COL3A1: variants seen among roughly 807,000 people sequenced by gnomAD.
COL3A1 encodes collagen type III alpha 1 chain, also known as collagen alpha-1(III) chain.
In COL3A1, 46 loss-of-function variants were observed where a neutral mutation model predicts 200.9. The ratio of observed to expected loss-of-function variants is 0.23; its 90% confidence interval spans 0.18 to 0.29. The LOEUF is 0.29. Ranked by LOEUF, COL3A1 falls within the 10% of genes least tolerant of loss-of-function variation. The pLI is 1.00. For missense variants in COL3A1, 1,367 were observed against 1,917.6 expected (o/e 0.71, Z 5.36); for synonymous variants, 650 against 628.0 (o/e 1.03, Z -0.52).
At chr2:189,003,288 G>A in intron 36 of COL3A1, 123 bp from the exon 37 acceptor site, 3 of 849,264 alleles carry the variant, frequency 3.5e-6, no homozygotes, top group Non-Finnish European at 5.9e-6. Context: ...ATGAATCTCA[G>A]CACCAGCAAT....
In COL3A1 at chr2:188,985,219, A is replaced by C. The variant is rs748033086; in HGVS notation, c.305A>C (p.Gln102Pro). The C allele has an allele frequency of 6.2e-7, 1 of 1,612,372 alleles. No homozygotes were observed. Among genetic ancestry groups the C allele is most frequent in the Non-Finnish European group, 8.5e-7 (1 of 1,178,678 alleles). ...TAGCCTACTCGCCCTCCTAATGGTC[A>C]AGGACCTCAAGGCCCCAAGGGAGAT... ...PTAPTRPPNG[Q>P]GPQGPKGDPG... Residue 102 changes from glutamine (Q) to proline (P), a missense_variant, in exon 3 of 51, where the codon CAA becomes CCA. By Grantham distance (76) the Gln-to-Pro change is moderately conservative (BLOSUM62 -1). This residue lies in a region of COL3A1 where 462 missense variants were observed against 681.4 expected (regional missense o/e 0.68). Coordinates refer to ENST00000304636, the MANE Select transcript of COL3A1 (RefSeq NM_000090.4).
intron 1 of COL3A1, among the ~76,000 whole-genome samples, chr2:188,980,235 A>G (rs1303883836): frequency 6.6e-6 from 1 of 151,436 alleles, no homozygotes; most frequent in East Asian, 1.9e-4. Flanking sequence ...AGATTTTATT[A>G]TATATGCAAT....
Position 189,008,188 on chromosome 2 carries a change from T to C in COL3A1, c.3525+46T>C, listed in dbSNP as rs2153503992. 2.0e-6 allele frequency: 3 copies of C among 1,516,350 alleles called. No individual in the cohort carries two copies. In the East Asian group the frequency reaches 7.0e-5, roughly 36 times the overall value. 93.9% of individuals were successfully genotyped at this position (1,516,350 alleles called of 1,614,324 possible). A position where few individuals can be genotyped will look rare whatever the true frequency, so the allele number is the denominator to read the frequency against. On this transcript the variant is annotated intron_variant, in intron 47 of 50. Transcript: ENST00000304636. ...ATGTGTATTTAATTTGCTACAATCT[T>C]CCAATTTTCAGAAACACAGCGCATT...
intron 6 of COL3A1, 109 bp downstream of exon 6, chr2:188,988,243 G>A: frequency 1.0e-6 from 1 of 976,708 alleles, no homozygotes; most frequent in East Asian, 2.5e-5. Context: ...CAGTTAACTA[G>A]AGAAATCATA....
chr2:189,005,484 C>T (rs767440778), intron 41 of COL3A1, 27 bp downstream of exon 41: 31 of 1,561,006 alleles, frequency 2.0e-5, no homozygotes, highest in Non-Finnish European at 2.7e-5. Flanking sequence ...ATTCAACCAG[C>T]CAGGTAGAAT....
chr2:189,004,685 A>T (rs1559060995), intron 40 of COL3A1, among the ~76,000 whole-genome samples: 1 of 152,160 alleles, frequency 6.6e-6, no homozygotes, highest in Non-Finnish European at 1.5e-5. Context: ...AGGGGGAAAT[A>T]GTGTTAGCTT....
Position 188,989,329 on chromosome 2 carries a change from C to G in COL3A1, c.637-67C>G, listed in dbSNP as rs1055992771. ...GAGGTTCCTTCCAGGAATACATACACTGTGTAATAATAAATTGTAACAGAA... is the reference window on the plus strand; with the variant it reads ...GAGGTTCCTTCCAGGAATACATACAGTGTGTAATAATAAATTGTAACAGAA... On this transcript the variant is annotated intron_variant, in intron 7 of 50. Transcript: ENST00000304636. The G allele has an allele frequency of 4.3e-6, 5 of 1,168,800 alleles. No individual in the cohort carries two copies. The African/African-American group carries it at 7.7e-5, about 18-fold the overall frequency. The allele number at this position is 1,168,800 out of a possible 1,614,324, so 72.4% of individuals were successfully genotyped here.
In COL3A1 at chr2:188,974,566, A is replaced by G. The variant is rs1399291719; in HGVS notation, c.77A>G (p.Glu26Gly). 1 of 1,613,316 alleles carries G rather than the reference A, an allele frequency of 6.2e-7. No homozygotes were observed. The highest frequency in any genetic ancestry group is 8.5e-7 in the Non-Finnish European group (1 of 1,179,348). The change falls in exon 1 of 51, where the codon GAA (glutamate) becomes GGA (glycine). Residue 26 changes from glutamate (E) to glycine (G), a missense_variant and splice_region_variant. Glu to Gly is a moderately conservative substitution (Grantham distance 98). Coordinates refer to ENST00000304636, the MANE Select transcript of COL3A1 (RefSeq NM_000090.4). The stretch of plus-strand genomic sequence containing the variant: ...CCCACTATTATTTTGGCACAACAGG[A>G]AGGTGAGTAGGTACTGATTTCAAGA... ...LHPTIILAQQ[E>G]AVEGGCSHLG...
At chr2:188,987,387 C>T (rs1688085741) in intron 5 of COL3A1, among the ~76,000 whole-genome samples, 1 of 149,984 alleles carries the variant, frequency 6.7e-6, no homozygotes, top group Non-Finnish European at 1.5e-5. Flanking sequence ...CACTTATTAA[C>T]ATCTCAGAAA....
intron 1 of COL3A1, among the ~76,000 whole-genome samples, chr2:188,976,947 C>A (rs113585213): frequency 6.6e-6 from 1 of 152,082 alleles, no homozygotes; most frequent in Admixed American, 6.6e-5. Flanking sequence ...TTATAATGAG[C>A]TTTAAAAAAT....
chr2:189,001,324 T>G, intron 32 of COL3A1, 73 bp from the exon 33 acceptor site: 2 of 1,419,566 alleles, frequency 1.4e-6, no homozygotes, highest in Non-Finnish European at 2.0e-6. Flanking sequence ...TATGTCTATA[T>G]ACTTTCTGTT....
At position 188,998,326 on chromosome 2, in the gene COL3A1, T is replaced by C. The variant is rs2153502908; in HGVS notation, c.1977+7T>C. ...TGGAAAACCTGGGGAACCAGTAAGT[T>C]ACGTTTCATTATTCAAAACTCAGAA... is the stretch of plus-strand genomic sequence containing the variant. On this transcript the variant is annotated splice_region_variant and intron_variant, in intron 28 of 50. Coordinates refer to ENST00000304636, the MANE Select transcript of COL3A1 (RefSeq NM_000090.4). 1 of 1,612,430 alleles carries C rather than the reference T, an allele frequency of 6.2e-7. No individual in the cohort carries two copies. The highest frequency in any genetic ancestry group is 1.3e-5 in the African/African-American group (1 of 75,026).
intron 1 of COL3A1, chr2:188,978,024 T>A (rs1576457504): frequency 5.3e-5 from 20 of 378,032 alleles, no homozygotes; most frequent in South Asian, 3.9e-4. Flanking sequence ...CTGAGCTTTT[T>A]TTCTAGGGAA....
At chr2:188,980,809 C>A (rs1468434093) in intron 1 of COL3A1, among the ~76,000 whole-genome samples, 1 of 150,868 alleles carries the variant, frequency 6.6e-6, no homozygotes, top group Non-Finnish European at 1.5e-5. Flanking sequence ...AAAGGCAAAC[C>A]AAACATTATT....
chr2:188,997,862 C>A, intron 27 of COL3A1, 109 bp downstream of exon 27: 2 of 1,036,716 alleles, frequency 1.9e-6, no homozygotes, highest in Non-Finnish European at 3.0e-6. Context: ...TGTCTTTCAT[C>A]TGGAAATAAA....
chr2:188,986,794 A>G (rs1357842151), intron 4 of COL3A1, among the ~76,000 whole-genome samples: 1 of 152,070 alleles, frequency 6.6e-6, no homozygotes, highest in Non-Finnish European at 1.5e-5. Context: ...AAGTAAGCGC[A>G]TAATAGGAAA....
chr2:188,997,427 G>A (rs1379763874), intron 26 of COL3A1, 38 bp downstream of exon 26: 3 of 1,580,940 alleles, frequency 1.9e-6, no homozygotes, highest in Non-Finnish European at 2.6e-6. Flanking sequence ...TGAAAATAGG[G>A]TGGAGGTGGG....
chr2:188,988,492 T>G, intron 6 of COL3A1, 98 bp from the exon 7 acceptor site: 1 of 853,156 alleles, frequency 1.2e-6, no homozygotes, highest in Non-Finnish European at 1.9e-6. Flanking sequence ...TAAAATTTGC[T>G]GATTACATTC....
intron 15 of COL3A1, 81 bp downstream of exon 15, chr2:188,993,021 T>A: frequency 7.7e-7 from 1 of 1,304,760 alleles, no homozygotes; most frequent in South Asian, 1.2e-5. Context: ...TGCAACTGAT[T>A]TTTTTAATCA....
Sources: allele counts gnomAD v4.1 joint callset (sites outside exome capture counted in the v4.1 genomes callset), GRCh38; gene constraint gnomAD v4.1.1; regional missense constraint gnomAD v4.1.1; transcripts MANE v1.5; gene names NCBI Gene and HGNC (gene_info 2026-07-23, HGNC 2026-07-21).